TRIM4: variants seen among roughly 807,000 people sequenced by gnomAD.
TRIM4 encodes the protein E3 ubiquitin-protein ligase TRIM4.
TRIM4 carries 29 observed loss-of-function variants against 33.7 expected under a neutral mutation model. The observed-to-expected ratio is 0.86, with a 90% CI of 0.64 to 1.17. TRIM4 has a LOEUF of 1.17. TRIM4 is among the 50% of genes most tolerant of loss of function. The pLI, the probability that TRIM4 is intolerant of heterozygous loss-of-function variation, is 0.00. For missense variants in TRIM4, 554 were observed against 593.7 expected (o/e 0.93, Z 0.69); for synonymous variants, 224 against 233.0 (o/e 0.96, Z 0.35).
chr7:99,907,953 T>A (rs1435196822), intron 3 of TRIM4, among the ~76,000 whole-genome samples: 1 of 152,118 alleles, frequency 6.6e-6, no homozygotes, highest in Non-Finnish European at 1.5e-5. Context: ...TAGGACCCTA[T>A]CCAAAAACTA....
chr7:99,919,128 C>T lies in TRIM4; in HGVS notation c.274G>A (p.Glu92Lys). The change falls in exon 1 of 6, where the codon GAG (glutamate) becomes AAG (lysine). Residue 92 changes from glutamate to lysine, a missense_variant. Physicochemically the swap from Glu to Lys is moderately conservative, Grantham distance 56. Coordinates refer to ENST00000349062, the MANE Select transcript of TRIM4 (RefSeq NM_033091.3). ...VPPGLCGRHW[E>K]PLRLFCEDDQ... Reference sequence around the variant, plus strand: ...TCCTCGCAGAAGAGCCGCAGCGGCTCCCAGTGGCGGCCGCACAGGCCCGGG... The same window carrying T: ...TCCTCGCAGAAGAGCCGCAGCGGCTTCCAGTGGCGGCCGCACAGGCCCGGG... The T allele has an allele frequency of 6.6e-7, 1 of 1,515,256 alleles. No individual in the cohort carries two copies. Among genetic ancestry groups the T allele is most frequent in the Non-Finnish European group, 8.8e-7 (1 of 1,130,958 alleles). 93.9% of individuals were successfully genotyped at this position (1,515,256 alleles called of 1,614,324 possible).
intron 1 of TRIM4, among the ~76,000 whole-genome samples, chr7:99,910,152 A>C (rs1737220323): frequency 6.6e-6 from 1 of 152,212 alleles, no homozygotes; most frequent in Non-Finnish European, 1.5e-5. Context: ...TCACAACACT[A>C]TATTGAGTTT....
At position 99,909,649 on chromosome 7, in the gene TRIM4, A is replaced by G. The variant is rs1175071498; in HGVS notation, c.405T>C (p.Leu135=). ...TGGCCACGAGATTACGCTGAGACTT[A>G]AGAAGTTTCTCCTGCCAGCAGAAAC... is the stretch of plus-strand genomic sequence containing the variant. ...EAFESYREKL[L]KSQRNLVAKM... The change falls in exon 2 of 6, where the codon CTT becomes CTC. Residue 135 remains leucine, a synonymous_variant. Transcript: ENST00000349062. 6.2e-7 allele frequency: 1 copy of G among 1,613,430 alleles called. No homozygotes were observed. The highest frequency in any genetic ancestry group is 2.2e-5 in the East Asian group (1 of 44,886).
chr7:99,909,696 T>C (rs1819391775), intron 1 of TRIM4, 36 bp from the exon 2 acceptor site: 3 of 1,221,992 alleles, frequency 2.5e-6, no homozygotes, highest in Non-Finnish European at 3.5e-6. Flanking sequence ...AGAAAACACA[T>C]CTCCAACCAT....
At chr7:99,893,510 C>T (rs1266808850) in intron 5 of TRIM4, among the ~76,000 whole-genome samples, 1 of 152,222 alleles carries the variant, frequency 6.6e-6, no homozygotes, top group African/African-American at 2.4e-5. Context: ...AATCTCCCCA[C>T]AGATCATTCA....
intron 5 of TRIM4, among the ~76,000 whole-genome samples, chr7:99,902,996 C>T (rs980654776): frequency 6.6e-6 from 1 of 152,052 alleles, no homozygotes; most frequent in African/African-American, 2.4e-5. Flanking sequence ...TGCTTACGAA[C>T]TCATGAAGAA....
At chr7:99,917,291 C>T (rs1819577221) in intron 1 of TRIM4, among the ~76,000 whole-genome samples, 1 of 152,230 alleles carries the variant, frequency 6.6e-6, no homozygotes, top group Admixed American at 6.5e-5. Context: ...AAATAGTAAG[C>T]ATCAATAAAC....
At chr7:99,897,250 A>G (rs1365985140) in intron 5 of TRIM4, among the ~76,000 whole-genome samples, 1 of 152,144 alleles carries the variant, frequency 6.6e-6, no homozygotes, top group Non-Finnish European at 1.5e-5. Context: ...AAGACCAACC[A>G]CACCCACAGA....
At chr7:99,916,883 A>ATT in intron 1 of TRIM4, 1 of 721,632 alleles carries the variant, frequency 1.4e-6, no homozygotes, top group Non-Finnish European at 2.5e-6. Flanking sequence ...GGCAAACAAG[A>ATT]TCCTTCATGA....
chr7:99,906,844 T>G (rs1819318433), intron 3 of TRIM4, among the ~76,000 whole-genome samples: 1 of 152,012 alleles, frequency 6.6e-6, no homozygotes, highest in African/African-American at 2.4e-5. Flanking sequence ...AGACCCTGTC[T>G]CAAAACCTAA....
At chr7:99,917,302 G>T (rs1311446117) in intron 1 of TRIM4, among the ~76,000 whole-genome samples, 5 of 152,194 alleles carry the variant, frequency 3.3e-5, no homozygotes, top group Non-Finnish European at 7.3e-5. Flanking sequence ...ATCAATAAAC[G>T]TTACTGAGTG....
intron 5 of TRIM4, among the ~76,000 whole-genome samples, chr7:99,898,310 C>T (rs73711666): frequency 0.012 from 1,863 of 152,306 alleles, 32 homozygotes; most frequent in African/African-American, 0.041. Context: ...CCCTTATGTA[C>T]TGAAAGGCAT....
intron 3 of TRIM4, among the ~76,000 whole-genome samples, chr7:99,904,711 G>A (rs1819256622): frequency 6.6e-6 from 1 of 152,136 alleles, no homozygotes; most frequent in African/African-American, 2.4e-5. Context: ...CACATGAAAA[G>A]TGCTCAATCT....
At chr7:99,892,787 A>G (rs1180883393) in intron 5 of TRIM4, 41 bp from the exon 6 acceptor site, 4 of 1,512,516 alleles carry the variant, frequency 2.6e-6, no homozygotes, top group Non-Finnish European at 2.7e-6. Flanking sequence ...GCAGCTTATC[A>G]TCAACCCTTC....
chr7:99,902,125 G>T (rs1819188208), intron 5 of TRIM4: 1 of 765,130 alleles, frequency 1.3e-6, no homozygotes, highest in Non-Finnish European at 2.4e-6. Context: ...TTTGAAAACG[G>T]TTGTTTCACA....
intron 1 of TRIM4, chr7:99,917,879 A>T (rs755491586): frequency 1.0e-6 from 1 of 982,680 alleles, no homozygotes; most frequent in Non-Finnish European, 1.2e-6. Flanking sequence ...CTAAAAGCTA[A>T]AAGGATCTAA....
At chr7:99,895,445 T>A (rs1224760740) in intron 5 of TRIM4, among the ~76,000 whole-genome samples, 1 of 152,226 alleles carries the variant, frequency 6.6e-6, no homozygotes, top group Non-Finnish European at 1.5e-5. Flanking sequence ...TCCTTTGAAT[T>A]TGACACTTGC....
intron 5 of TRIM4, chr7:99,902,047 C>T: frequency 1.3e-6 from 1 of 754,598 alleles, no homozygotes; most frequent in Non-Finnish European, 2.4e-6. Context: ...GTAGGGCAAT[C>T]ATAGGCTGAC....
chr7:99,892,841 C>T (rs950579247), intron 5 of TRIM4, 95 bp from the exon 6 acceptor site: 1 of 1,114,194 alleles, frequency 9.0e-7, no homozygotes, highest in Admixed American at 2.4e-5. Context: ...CATCTTTCTC[C>T]TCCTAACAAA....
Sources: gnomAD v4.1 joint callset for allele counts (sites outside exome capture counted in the v4.1 genomes callset) on GRCh38, gnomAD v4.1.1 for gene constraint, MANE v1.5 for transcripts, NCBI Gene and HGNC (gene_info 2026-07-23, HGNC 2026-07-21) for gene names.